The following LAMA4 variants were observed in gnomAD, a reference collection of about 807,000 sequenced individuals.
LAMA4 encodes the protein laminin subunit alpha-4.
Under a neutral mutation model 207.1 loss-of-function variants are expected in LAMA4, and 127 were observed. That is an observed-to-expected ratio of 0.61 (90% CI 0.53 to 0.71). The LOEUF is 0.71. LAMA4 is among the 30% of genes least tolerant of loss of function. The probability of loss-of-function intolerance (pLI) is 0.00; values close to 1 mark genes in which losing one functional copy is unlikely to be tolerated. For synonymous variants in LAMA4, 761 were observed against 816.0 expected, an observed-to-expected ratio of 0.93 and a Z score of 1.15; for missense variants, 2,093 against 2,246.5, an observed-to-expected ratio of 0.93 and a Z score of 1.38.
rs1583752541 is a variant in LAMA4, at chr6:112,158,872, T to G, written c.1677A>C (p.Ser559=). Residue 559 remains serine, a synonymous_variant, in exon 14 of 39, where the codon TCA becomes TCC. Transcript: ENST00000230538. ...CTCCATCTATTTCTGCATAAATCCCTGACGCATTCTAAAGAAAAAAATTTT... is the reference window on the plus strand; with the variant it reads ...CTCCATCTATTTCTGCATAAATCCCGGACGCATTCTAAAGAAAAAAATTTT... ...SELDDIIKNA[S]GIYAEIDGAK... 3 of 1,609,816 alleles carry G rather than the reference T, an allele frequency of 1.9e-6. No homozygotes were observed. The highest frequency in any genetic ancestry group is 1.7e-4 in the Middle Eastern group (1 of 6,046).
chr6:112,129,297 A>C (rs1554328785), intron 30 of LAMA4, among the ~76,000 whole-genome samples: 1 of 152,014 alleles, frequency 6.6e-6, no homozygotes, highest in African/African-American at 2.4e-5. Flanking sequence ...GGCATCACAT[A>C]TTTATAATAA....
At chr6:112,239,090 G>A (rs2114340995) in intron 2 of LAMA4, among the ~76,000 whole-genome samples, 1 of 152,186 alleles carries the variant, frequency 6.6e-6, no homozygotes, top group East Asian at 1.9e-4. Flanking sequence ...GGAGATCGAG[G>A]CAGGTGGATC....
chr6:112,232,889 T>C (rs1554364810), intron 2 of LAMA4, among the ~76,000 whole-genome samples: 1 of 152,222 alleles, frequency 6.6e-6, no homozygotes, highest in Non-Finnish European at 1.5e-5. Context: ...ATTGTGCTGA[T>C]TTTAAAACAA....
intron 8 of LAMA4, among the ~76,000 whole-genome samples, chr6:112,185,709 C>T (rs1554346474): frequency 6.6e-6 from 1 of 152,212 alleles, no homozygotes; most frequent in Non-Finnish European, 1.5e-5. Context: ...GAAGAACTGA[C>T]CAACCCATCA....
chr6:112,190,604 C>G (rs543047125), intron 6 of LAMA4, among the ~76,000 whole-genome samples: 1 of 152,308 alleles, frequency 6.6e-6, no homozygotes, highest in Admixed American at 6.5e-5. Context: ...AATGTCACCT[C>G]ACTTTTGAAG....
At chr6:112,254,364 T>C in intron 1 of LAMA4, 73 bp from the exon 2 acceptor site, 1 of 607,748 alleles carries the variant, frequency 1.6e-6, no homozygotes, top group Non-Finnish European at 2.9e-6. Flanking sequence ...TCTCTCCCCT[T>C]CTCCCCCTCT....
chr6:112,241,126 TGAATATATAGGAA>T, intron 2 of LAMA4, among the ~76,000 whole-genome samples: 3 of 120,082 alleles, frequency 2.5e-5, no homozygotes, highest in African/African-American at 6.2e-5. Context: ...AATATATATA[TGAATATATAGGAA>T]TATATATATG....
chr6:112,129,202 G>GTA, intron 30 of LAMA4, 127 bp from the exon 31 acceptor site: 1 of 689,028 alleles, frequency 1.5e-6, no homozygotes, highest in Non-Finnish European at 2.5e-6. Flanking sequence ...GTGTGTGTGT[G>GTA]TATGTGTGAT....
intron 2 of LAMA4, among the ~76,000 whole-genome samples, chr6:112,217,374 C>T (rs1554359086): frequency 1.3e-5 from 2 of 152,190 alleles, no homozygotes; most frequent in African/African-American, 4.8e-5. Context: ...GCTCCCCGCC[C>T]ATCAGACAAG....
intron 4 of LAMA4, among the ~76,000 whole-genome samples, chr6:112,203,539 C>A (rs554709333): frequency 6.6e-6 from 1 of 152,306 alleles, no homozygotes; most frequent in Non-Finnish European, 1.5e-5. Flanking sequence ...TTGAGATTAG[C>A]TAACTAAGTT....
At chr6:112,166,959 G>C (rs1223939467) in intron 12 of LAMA4, among the ~76,000 whole-genome samples, 2 of 152,114 alleles carry the variant, frequency 1.3e-5, no homozygotes, top group East Asian at 3.9e-4. Flanking sequence ...TAAAGCTTGG[G>C]TATATAGTAA....
chr6:112,212,264 C>G (rs1472453179), intron 3 of LAMA4, among the ~76,000 whole-genome samples: 4 of 150,888 alleles, frequency 2.7e-5, no homozygotes, highest in African/African-American at 9.8e-5. Flanking sequence ...TGCTCTGTTG[C>G]CCAGGCTAGA....
At chr6:112,218,196 T>TATTAGTTA (rs1391104515) in intron 2 of LAMA4, 2 of 152,232 alleles carry the variant, frequency 1.3e-5, no homozygotes, top group Non-Finnish European at 2.9e-5. Flanking sequence ...ACGGTCTTAA[T>TATTAGTTA]ATTAGTTATC....
intron 2 of LAMA4, among the ~76,000 whole-genome samples, chr6:112,241,747 G>A (rs782309661): frequency 6.6e-6 from 1 of 152,178 alleles, no homozygotes; most frequent in Non-Finnish European, 1.5e-5. Context: ...GCTGGAGTCT[G>A]CAGGGAGAAT....
At chr6:112,144,438 C>G (rs952121223) in intron 19 of LAMA4, among the ~76,000 whole-genome samples, 1 of 152,112 alleles carries the variant, frequency 6.6e-6, no homozygotes, top group Non-Finnish European at 1.5e-5. Context: ...AATATAAGAA[C>G]GAATTGAGGC....
chr6:112,159,587 A>G (rs533267087), intron 13 of LAMA4: 4 of 152,806 alleles, frequency 2.6e-5, no homozygotes, highest in African/African-American at 9.6e-5. Context: ...AGTCACCCAA[A>G]TAGTGATTCT....
chr6:112,237,154 G>T (rs1209826059), intron 2 of LAMA4, among the ~76,000 whole-genome samples: 4 of 152,172 alleles, frequency 2.6e-5, no homozygotes, highest in Admixed American at 2.6e-4. Context: ...TCCTTGAAAA[G>T]GGCCAAAAAT....
Position 112,254,114 on chromosome 6 carries a change from G to T in LAMA4, c.37C>A (p.Leu13Met), listed in dbSNP as rs1787684965. 1.2e-6 allele frequency: 2 copies of T among 1,612,854 alleles called. No individual in the cohort carries two copies. The highest frequency in any genetic ancestry group is 1.7e-6 in the Non-Finnish European group (2 of 1,179,952). The change falls in exon 2 of 39, where the codon CTG (leucine) becomes ATG (methionine). Residue 13 changes from leucine to methionine, a missense_variant. This residue lies in a region of LAMA4 where 1,704 missense variants were observed against 1,788.4 expected (regional missense o/e 0.95). Transcript: ENST00000230538. Reference protein sequence around the residue: ...LSSAWRSVLPLWLLWSAACSR... With the variant: ...LSSAWRSVLPMWLLWSAACSR... ...CAGGCAGCGCTCCAGAGGAGCCACAGAGGCAGAACCGAGCGCCAGGCTGAG... is the reference window on the plus strand; with the variant it reads ...CAGGCAGCGCTCCAGAGGAGCCACATAGGCAGAACCGAGCGCCAGGCTGAG...
intron 2 of LAMA4, among the ~76,000 whole-genome samples, chr6:112,216,994 T>C (rs966166915): frequency 6.6e-6 from 1 of 152,178 alleles, no homozygotes; most frequent in African/African-American, 2.4e-5. Flanking sequence ...GATGCTAACA[T>C]GTTAAAGGGA....
Sources: allele counts gnomAD v4.1 joint callset (sites outside exome capture counted in the v4.1 genomes callset), GRCh38; gene constraint gnomAD v4.1.1; regional missense constraint gnomAD v4.1.1; transcripts MANE v1.5; gene names NCBI Gene and HGNC (gene_info 2026-07-23, HGNC 2026-07-21).